CDH6: variants seen among roughly 807,000 people sequenced by gnomAD.
CDH6 encodes the protein cadherin-6.
In CDH6, 31 loss-of-function variants were observed where a neutral mutation model predicts 78.0. The ratio of observed to expected loss-of-function variants is 0.40; its 90% CI spans 0.30 to 0.54. The LOEUF (loss-of-function observed/expected upper bound fraction) is 0.54. Among genes scored for constraint, CDH6 ranks in the 20% least tolerant of loss-of-function variants. The pLI, the probability that CDH6 is intolerant of heterozygous loss-of-function variation, is 0.56. For missense variants in CDH6, 724 were observed against 975.9 expected (o/e 0.74, Z 3.44); for synonymous variants, 376 against 368.8 (o/e 1.02, Z -0.23).
At chr5:31,272,389 A>G (rs1742552306) in intron 2 of CDH6, among the ~76,000 whole-genome samples, 1 of 152,198 alleles carries the variant, frequency 6.6e-6, no homozygotes, top group Non-Finnish European at 1.5e-5. Flanking sequence ...TGTAAACTTA[A>G]TATAATAGAA....
In CDH6 at chr5:31,316,461, T is replaced by G. The variant is rs1348418918; in HGVS notation, c.1512+132T>G. The stretch of plus-strand genomic sequence containing the variant: ...AAGTGAATGCTACGGAAATTAATAC[T>G]ATAAATAAGAACCAGGACTTACATA... On this transcript the variant is annotated intron_variant, in intron 9 of 11. Transcript: ENST00000265071. 4 of 739,354 alleles carry G rather than the reference T, an allele frequency of 5.4e-6. No homozygotes were observed. In the African/African-American group the frequency reaches 7.2e-5, roughly 13 times the overall value. 45.8% of individuals were successfully genotyped at this position (739,354 alleles called of 1,614,324 possible). A position where few individuals can be genotyped will look rare whatever the true frequency, so the allele number is the denominator to read the frequency against.
chr5:31,241,642 C>T (rs1288426300), intron 1 of CDH6, among the ~76,000 whole-genome samples: 1 of 152,234 alleles, frequency 6.6e-6, no homozygotes, highest in Non-Finnish European at 1.5e-5. Flanking sequence ...ATCTGTCTTA[C>T]AGCTCTGTCC....
intron 7 of CDH6, among the ~76,000 whole-genome samples, chr5:31,311,219 C>A (rs1738141106): frequency 6.6e-6 from 1 of 152,230 alleles, no homozygotes; most frequent in Non-Finnish European, 1.5e-5. Context: ...CCTAAATCAT[C>A]TCTCTCGAGT....
rs940920151 is a variant in CDH6 at position 31,323,940 on chromosome 5, A to G, written c.*632A>G. The G allele has an allele frequency of 4.4e-6, 1 of 229,518 alleles. No individual in the cohort carries two copies. The highest frequency in any genetic ancestry group is 2.2e-5 in the African/African-American group (1 of 45,292). The allele number at this position is 229,518 out of a possible 1,614,324, so 14.2% of individuals were successfully genotyped here. A position where few individuals can be genotyped will look rare whatever the true frequency, so the allele number is the denominator to read the frequency against. On this transcript the variant is annotated 3_prime_UTR_variant, in exon 12 of 12. Coordinates refer to ENST00000265071, the MANE Select transcript of CDH6 (RefSeq NM_004932.4). The stretch of plus-strand genomic sequence containing the variant: ...AATTAAACGGTAACATCCAAAAGCA[A>G]CCACAAACCTAGTACGACTTCATTC...
intron 1 of CDH6, among the ~76,000 whole-genome samples, chr5:31,213,682 G>A (rs983998095): frequency 3.3e-5 from 5 of 152,076 alleles, no homozygotes; most frequent in African/African-American, 1.2e-4. Flanking sequence ...TCTGGGAAAC[G>A]GGGTTCTGCT....
In CDH6 at chr5:31,328,102, C is replaced by T. The variant is rs1013136381; in HGVS notation, c.*4794C>T. On this transcript the variant is annotated 3_prime_UTR_variant, in exon 12 of 12. Transcript: ENST00000265071. ...CTTACCCGCTGTATTTCAGACAGGA[C>T]TGAGGCACTTAGCCGAGGAGCCACT... 1.9e-5 allele frequency: 4 copies of T among 206,272 alleles called. No homozygotes were observed. Among genetic ancestry groups the T allele is most frequent in the Admixed American group, 1.8e-4 (3 of 16,706 alleles). 12.8% of individuals were successfully genotyped at this position (206,272 alleles called of 1,614,324 possible).
chr5:31,203,465 T>C (rs1183696517), intron 1 of CDH6, among the ~76,000 whole-genome samples: 1 of 135,358 alleles, frequency 7.4e-6, no homozygotes, highest in Non-Finnish European at 1.6e-5. Context: ...ATCTCATTGT[T>C]CAATTCCCAC....
chr5:31,238,280 A>C (rs1741504672), intron 1 of CDH6, among the ~76,000 whole-genome samples: 1 of 152,220 alleles, frequency 6.6e-6, no homozygotes. Context: ...AAAACAATCC[A>C]ATGGGAGAGC....
intron 7 of CDH6, among the ~76,000 whole-genome samples, chr5:31,311,196 T>A (rs1261060110): frequency 1.3e-5 from 2 of 152,256 alleles, no homozygotes; most frequent in Non-Finnish European, 1.5e-5. Flanking sequence ...TAGAAACTTC[T>A]TCTGCCAAAT....
chr5:31,289,609 C>A (rs1369037879), intron 2 of CDH6, among the ~76,000 whole-genome samples: 1 of 152,134 alleles, frequency 6.6e-6, no homozygotes, highest in Non-Finnish European at 1.5e-5. Flanking sequence ...TATGAGAGTT[C>A]CCGTTTCTCC....
chr5:31,325,814 T>G lies in CDH6; in HGVS notation c.*2506T>G, dbSNP rs1000676290. The G allele has an allele frequency of 1.3e-5, 3 of 231,204 alleles. No individual in the cohort carries two copies. Among genetic ancestry groups the G allele is most frequent in the African/African-American group, 6.6e-5 (3 of 45,252 alleles). 14.3% of individuals were successfully genotyped at this position (231,204 alleles called of 1,614,324 possible). A position where few individuals can be genotyped will look rare whatever the true frequency, so the allele number is the denominator to read the frequency against. On this transcript the variant is annotated 3_prime_UTR_variant, in exon 12 of 12. Transcript: ENST00000265071. ...CATAAAAGCTGATGATGAAGTAAAT[T>G]TATAGGAAATTGGATAATTTGAGAC... is the stretch of plus-strand genomic sequence containing the variant.
intron 1 of CDH6, among the ~76,000 whole-genome samples, chr5:31,259,925 G>C (rs372009498): frequency 6.6e-6 from 1 of 152,318 alleles, no homozygotes; most frequent in African/African-American, 2.4e-5. Context: ...CCCTTGCACT[G>C]CTGTGGGAGC....
chr5:31,317,011 C>T (rs1371790831), intron 9 of CDH6, among the ~76,000 whole-genome samples: 2 of 152,190 alleles, frequency 1.3e-5, no homozygotes, highest in Non-Finnish European at 2.9e-5. Flanking sequence ...TATAGCTTTG[C>T]ATCACTCAAG....
At chr5:31,249,985 C>G (rs1203990194) in intron 1 of CDH6, 2 of 152,274 alleles carry the variant, frequency 1.3e-5, no homozygotes, top group African/African-American at 4.8e-5. Context: ...GAACAACTGA[C>G]CAGAGAAATT....
intron 1 of CDH6, among the ~76,000 whole-genome samples, chr5:31,218,387 G>T (rs1740922607): frequency 1.3e-5 from 2 of 152,068 alleles, no homozygotes; most frequent in Admixed American, 6.6e-5. Flanking sequence ...AATTCCAAAG[G>T]CACAGCAATT....
rs192000065 is a variant in CDH6, at chr5:31,270,460, C to T, written c.228+2759C>T. 8.0e-3 allele frequency among the ~76,000 whole-genome samples: 1,222 copies of T among 152,298 alleles called. 13 individuals are homozygous for T. Among genetic ancestry groups the T allele is most frequent in the Non-Finnish European group, 0.012 (824 of 68,020 alleles). ...ATCTCTTGAGCACAGCACAATTTCT[C>T]AATCAGATCAAACACAGCCCTCTCA... On this transcript the variant is annotated intron_variant, in intron 2 of 11. Coordinates refer to ENST00000265071, the MANE Select transcript of CDH6 (RefSeq NM_004932.4).
chr5:31,254,265 C>T (rs1741991209), intron 1 of CDH6, among the ~76,000 whole-genome samples: 1 of 152,078 alleles, frequency 6.6e-6, no homozygotes, highest in African/African-American at 2.4e-5. Flanking sequence ...GTGATACCAG[C>T]CATTTGGAAA....
At chr5:31,231,014 CAT>C (rs1427375177) in intron 1 of CDH6, among the ~76,000 whole-genome samples, 1 of 152,144 alleles carries the variant, frequency 6.6e-6, no homozygotes, top group African/African-American at 2.4e-5. Flanking sequence ...CTTCTAATCA[CAT>C]GATTATATTT....
intron 1 of CDH6, among the ~76,000 whole-genome samples, chr5:31,224,945 G>T (rs888299509): frequency 2.6e-5 from 4 of 152,178 alleles, no homozygotes; most frequent in Non-Finnish European, 4.4e-5. Context: ...TTAAAGCAAT[G>T]GTTGTCAACT....
Sources: gnomAD v4.1 joint callset for allele counts (sites outside exome capture counted in the v4.1 genomes callset) on GRCh38, gnomAD v4.1.1 for gene constraint, MANE v1.5 for transcripts, NCBI Gene and HGNC (gene_info 2026-07-23, HGNC 2026-07-21) for gene names.